The following ANKS4B variants were observed in gnomAD, a reference collection of about 807,000 sequenced individuals.
The protein encoded by ANKS4B is ankyrin repeat and sterile alpha motif domain containing 4B.
Under a neutral mutation model 20.2 loss-of-function variants are expected in ANKS4B, and 21 were observed. The ratio of observed to expected loss-of-function variants is 1.04; its 90% CI spans 0.74 to 1.50. The LOEUF is 1.50. ANKS4B is among the 40% of genes most tolerant of loss of function. ANKS4B has a pLI of 0.00. For missense variants in ANKS4B, 473 were observed against 494.6 expected (o/e 0.96, Z 0.41); for synonymous variants, 179 against 194.5 (o/e 0.92, Z 0.66).
At chr16:21,237,499 G>A (rs1208397375) in intron 1 of ANKS4B, among the ~76,000 whole-genome samples, 2 of 151,940 alleles carry the variant, frequency 1.3e-5, no homozygotes, top group Non-Finnish European at 2.9e-5. Flanking sequence ...AGCAGGACTG[G>A]TGTCTGATGA....
intron 1 of ANKS4B, among the ~76,000 whole-genome samples, chr16:21,238,480 AATAT>A (rs57815936): frequency 2.3e-4 from 35 of 150,446 alleles, no homozygotes; most frequent in Admixed American, 4.0e-4. Flanking sequence ...TGTAAACATA[AATAT>A]ATATATATAT....
chr16:21,234,766 A>T (rs2093318200), intron 1 of ANKS4B, among the ~76,000 whole-genome samples: 1 of 152,164 alleles, frequency 6.6e-6, no homozygotes, highest in South Asian at 2.1e-4. Flanking sequence ...GCACACTGTG[A>T]TCAACAAGAC....
At chr16:21,243,071 CT>C (rs988731050) in intron 1 of ANKS4B, among the ~76,000 whole-genome samples, 3 of 152,066 alleles carry the variant, frequency 2.0e-5, no homozygotes, top group Non-Finnish European at 4.4e-5. Context: ...CCAAATATTT[CT>C]TTTTATGCAG....
chr16:21,250,727 G>A lies in ANKS4B; in HGVS notation c.1161G>A (p.Met387Ile), dbSNP rs954509702. ...CSDEDLQSIQ[M>I]QLGPRKKVLN... The stretch of plus-strand genomic sequence containing the variant: ...ATGAGGACCTTCAGAGCATACAAAT[G>A]CAGCTGGGTCCCAGGAAGAAAGTTC... Residue 387 changes from methionine to isoleucine, a missense_variant, in exon 2 of 2, where the codon ATG (methionine) becomes ATA (isoleucine). Transcript: ENST00000311620. 1.2e-6 allele frequency: 2 copies of A among 1,610,076 alleles called. No individual in the cohort carries two copies. Among genetic ancestry groups the A allele is most frequent in the African/African-American group, 1.3e-5 (1 of 74,976 alleles).
At position 21,236,204 on chromosome 16, in the gene ANKS4B, G is replaced by A. The variant is rs139946738; in HGVS notation, c.164+2303G>A. Among the ~76,000 whole-genome samples, 654 of 152,162 alleles carry A rather than the reference G, an allele frequency of 4.3e-3. 4 individuals are homozygous for A. Among genetic ancestry groups the A allele is most frequent in the African/African-American group, 0.015 (628 of 41,526 alleles). On this transcript the variant is annotated intron_variant, in intron 1 of 1. Transcript: ENST00000311620. ...CAGAAGCAAGAGCAAGAGAGCAAGG[G>A]GGGAGGTGCTAGAAACCAGATCTAA...
intron 1 of ANKS4B, among the ~76,000 whole-genome samples, chr16:21,247,442 G>T (rs1408122655): frequency 1.3e-5 from 2 of 152,128 alleles, no homozygotes; most frequent in Non-Finnish European, 2.9e-5. Context: ...GAATGGTCGT[G>T]GCGCACTAAC....
rs1220824983 is a variant in ANKS4B at position 21,253,707 on chromosome 16, C to T, written c.*2887C>T. The T allele has an allele frequency of 6.6e-6, 1 of 152,102 alleles. No homozygotes were observed. The highest frequency in any genetic ancestry group is 2.4e-5 in the African/African-American group (1 of 41,410). 9.4% of individuals were successfully genotyped at this position (152,102 alleles called of 1,614,324 possible). On this transcript the variant is annotated 3_prime_UTR_variant, in exon 2 of 2. Transcript: ENST00000311620. The stretch of plus-strand genomic sequence containing the variant: ...TTGCCACTAGGGGTCTCATCAGGTA[C>T]CTCTATGCTCTTCTTAGGGGTTCTT...
rs2093341308 is a variant in ANKS4B, at chr16:21,252,910, G to C, written c.*2090G>C. 6.6e-6 allele frequency: 1 copy of C among 151,544 alleles called. No individual in the cohort carries two copies. Among genetic ancestry groups the C allele is most frequent in the Non-Finnish European group, 1.5e-5 (1 of 68,038 alleles). The allele number at this position is 151,544 out of a possible 1,614,324, so 9.4% of individuals were successfully genotyped here. On this transcript the variant is annotated 3_prime_UTR_variant, in exon 2 of 2. Coordinates refer to ENST00000311620, the MANE Select transcript of ANKS4B (RefSeq NM_145865.3). ...GTGGTGGCGTGTGCCTGTAATCCCA[G>C]CTACTTGGGAGGCTGAGGCAAGAGA...
rs760861549 is a variant in ANKS4B, at chr16:21,250,595, C to T, written c.1029C>T (p.Val343=). The T allele has an allele frequency of 2.0e-5, 33 of 1,613,910 alleles. 1 individual carries two copies. The highest frequency in any genetic ancestry group is 1.1e-4 in the South Asian group (10 of 91,068). ...AAGTGGAGTGGGAGGAAGATGTGGT[C>T]GATGCCACGCCCCTGGAAGTGTTCT... ...DDEVEWEEDV[V]DATPLEVFLL... is the part of the protein sequence containing the mutation. Residue 343 remains valine, a synonymous_variant, in exon 2 of 2, where the codon GTC becomes GTT. Transcript: ENST00000311620.
At chr16:21,239,148 C>G (rs1427599548) in intron 1 of ANKS4B, among the ~76,000 whole-genome samples, 1 of 152,160 alleles carries the variant, frequency 6.6e-6, no homozygotes, top group Non-Finnish European at 1.5e-5. Flanking sequence ...AACACTTATA[C>G]ACTGTTGGTG....
At chr16:21,248,354 G>A (rs2093334897) in intron 1 of ANKS4B, among the ~76,000 whole-genome samples, 1 of 145,548 alleles carries the variant, frequency 6.9e-6, no homozygotes, top group African/African-American at 2.6e-5. Context: ...GCAGGGTCTT[G>A]CTGTGTTGCC....
rs1436464145 is a variant in ANKS4B at position 21,249,818 on chromosome 16, G to A, written c.252G>A (p.Leu84=). 3 of 1,613,948 alleles carry A rather than the reference G, an allele frequency of 1.9e-6. No individual in the cohort carries two copies. Among genetic ancestry groups the A allele is most frequent in the Non-Finnish European group, 2.5e-6 (3 of 1,180,022 alleles). Residue 84 remains leucine (L), a synonymous_variant, in exon 2 of 2, where the codon CTG becomes CTA. Transcript: ENST00000311620. ...SNGHAHCVSF[L]VNFGANIFAL... Reference sequence around the variant, plus strand: ...GCCATGCCCACTGCGTCTCATTCCTGGTCAACTTTGGTGCCAACATCTTTG... The same window carrying A: ...GCCATGCCCACTGCGTCTCATTCCTAGTCAACTTTGGTGCCAACATCTTTG...
chr16:21,242,342 C>A (rs1322720348), intron 1 of ANKS4B, among the ~76,000 whole-genome samples: 1 of 152,176 alleles, frequency 6.6e-6, no homozygotes, highest in African/African-American at 2.4e-5. Flanking sequence ...CACGTGCCAC[C>A]ACACCCAGCT....
chr16:21,237,288 T>C (rs778916916), intron 1 of ANKS4B, among the ~76,000 whole-genome samples: 6 of 152,214 alleles, frequency 3.9e-5, no homozygotes, highest in Non-Finnish European at 7.3e-5. Flanking sequence ...CCCAAAGTGT[T>C]GGGATTACAG....
intron 1 of ANKS4B, among the ~76,000 whole-genome samples, chr16:21,234,483 T>TATACAC (rs1555461032): frequency 1.6e-5 from 2 of 124,636 alleles, no homozygotes; most frequent in Non-Finnish European, 3.4e-5. Context: ...AGTGGATAGA[T>TATACAC]ACACACACAC....
At position 21,244,668 on chromosome 16, in the gene ANKS4B, A is replaced by G. The variant is rs183638523; in HGVS notation, c.165-5063A>G. On this transcript the variant is annotated intron_variant, in intron 1 of 1. Transcript: ENST00000311620. ...CCCTCTTTGATGTCTAGGATACTTA[A>G]GGAGTCTTTTGCATCTAGTGTTTAT... Among the ~76,000 whole-genome samples the G allele has an allele frequency of 4.0e-3, 606 of 152,260 alleles. 2 individuals carry two copies. The highest frequency in any genetic ancestry group is 0.014 in the African/African-American group (580 of 41,538).
At chr16:21,248,545 C>T (rs1299987545) in intron 1 of ANKS4B, among the ~76,000 whole-genome samples, 2 of 151,826 alleles carry the variant, frequency 1.3e-5, no homozygotes, top group African/African-American at 2.4e-5. Context: ...GCCTGACCAA[C>T]ACGGTGAAAC....
At chr16:21,248,472 G>C (rs997609629) in intron 1 of ANKS4B, among the ~76,000 whole-genome samples, 1 of 151,920 alleles carries the variant, frequency 6.6e-6, no homozygotes, top group Non-Finnish European at 1.5e-5. Context: ...GCTCACAACT[G>C]TAATCCCAGC....
At position 21,250,525 on chromosome 16, in the gene ANKS4B, G is replaced by A. The variant is rs1249881833; in HGVS notation, c.959G>A (p.Gly320Glu). The A allele has an allele frequency of 1.9e-6, 3 of 1,614,076 alleles. No individual in the cohort carries two copies. Among genetic ancestry groups the A allele is most frequent in the Non-Finnish European group, 1.7e-6 (2 of 1,180,044 alleles). ...GATGAGGGTGCAGCTGATGAAGAGG[G>A]AGAGGAAAACGGCCTCAAAGATGAT... ...EADEGAADEE[G>E]EENGLKDDLP... is the part of the protein sequence containing the mutation. The change falls in exon 2 of 2, where the codon GGA becomes GAA. Residue 320 changes from glycine to glutamate, a missense_variant. Physicochemically the swap from Gly to Glu is moderately conservative, Grantham distance 98 (BLOSUM62 -2). Coordinates refer to ENST00000311620, the MANE Select transcript of ANKS4B (RefSeq NM_145865.3).
Sources: allele counts gnomAD v4.1 joint callset (sites outside exome capture counted in the v4.1 genomes callset), GRCh38; gene constraint gnomAD v4.1.1; transcripts MANE v1.5; gene names NCBI Gene and HGNC (gene_info 2026-07-23, HGNC 2026-07-21).